Variants in MED27 observed in about 807,000 individuals in gnomAD.
MED27 encodes mediator of RNA polymerase II transcription subunit 27.
In MED27, 30 loss-of-function variants were observed where a neutral mutation model predicts 38.2. That is an observed-to-expected ratio of 0.79 (90% CI 0.59 to 1.07). The LOEUF (loss-of-function observed/expected upper bound fraction) is 1.07. Among genes scored for constraint, MED27 ranks in the 50% least tolerant of loss-of-function variants. MED27 has a pLI of 0.00. For synonymous variants in MED27, 122 were observed against 153.5 expected (o/e 0.79, Z 1.52); for missense variants, 289 against 397.5 (o/e 0.73, Z 2.32).
At position 131,980,544 on chromosome 9, in the gene MED27, G is replaced by A. The variant is rs555771369; in HGVS notation, c.479+33793C>T. ...TGGGACCTTAGGGCAAAAAGGTAAG[G>A]GGTACAAAATAATACATCACTCTTC... On this transcript the variant is annotated intron_variant, in intron 3 of 7. Transcript: ENST00000292035. Among the ~76,000 whole-genome samples the A allele has an allele frequency of 2.0e-5, 3 of 152,228 alleles. No homozygotes were observed. In the East Asian group the frequency reaches 5.8e-4, roughly 29 times the overall value.
intron 2 of MED27, among the ~76,000 whole-genome samples, chr9:132,063,369 G>A (rs925777528): frequency 1.3e-5 from 2 of 152,172 alleles, no homozygotes; most frequent in African/African-American, 2.4e-5. Flanking sequence ...CTATCTGGAG[G>A]AAGTCTCAAC....
At position 131,883,624 on chromosome 9, in the gene MED27, C is replaced by A. The variant is rs1297849138; in HGVS notation, c.723+434G>T. On this transcript the variant is annotated intron_variant, in intron 6 of 7. Coordinates refer to ENST00000292035, the MANE Select transcript of MED27 (RefSeq NM_004269.4). This position sits in a 1 kb window ranked among gnomAD's most constrained non-coding sequence, Gnocchi z 4.2. Reference sequence around the variant, plus strand: ...GGAGACCGCTAGGGCTCTGAGAAACCGAGTTTTAAAACTAGGTTTTCAGAA... The same window carrying A: ...GGAGACCGCTAGGGCTCTGAGAAACAGAGTTTTAAAACTAGGTTTTCAGAA... Among the ~76,000 whole-genome samples, 3 of 152,128 alleles carry A rather than the reference C, an allele frequency of 2.0e-5. No individual in the cohort carries two copies. The highest frequency in any genetic ancestry group is 2.0e-4 in the Admixed American group (3 of 15,274).
At chr9:131,927,707 C>T (rs1177910218) in intron 4 of MED27, among the ~76,000 whole-genome samples, 1 of 152,162 alleles carries the variant, frequency 6.6e-6, no homozygotes, top group Non-Finnish European at 1.5e-5. Flanking sequence ...AGGCCAACAA[C>T]AAAAAGCTGG....
In MED27 at chr9:131,893,947, G is replaced by C. The variant is rs1829775303; in HGVS notation, c.619C>G (p.Leu207Val). 1 of 1,614,178 alleles carries C rather than the reference G, an allele frequency of 6.2e-7. No individual in the cohort carries two copies. The highest frequency in any genetic ancestry group is 8.5e-7 in the Non-Finnish European group (1 of 1,180,036). The stretch of plus-strand genomic sequence containing the variant: ...TTTACTATTGTTCGATCAATGAACA[G>C]GCTCCGCATGACGACGATCACTTTC... ...VLKVIVVMRS[L>V]FIDRTIVKGY... Residue 207 changes from leucine to valine, a missense_variant, in exon 5 of 8, where the codon CTG becomes GTG. By Grantham distance (32) the Leu-to-Val change is conservative. Coordinates refer to ENST00000292035, the MANE Select transcript of MED27 (RefSeq NM_004269.4).
intron 4 of MED27, among the ~76,000 whole-genome samples, chr9:131,898,876 C>T (rs766036515): frequency 2.0e-4 from 30 of 152,234 alleles, no homozygotes; most frequent in Non-Finnish European, 3.4e-4. Flanking sequence ...TGAGCCACTG[C>T]GCCCGGCCTG....
At chr9:132,030,624 A>G (rs998383877) in intron 2 of MED27, among the ~76,000 whole-genome samples, 1 of 152,254 alleles carries the variant, frequency 6.6e-6, no homozygotes, top group Non-Finnish European at 1.5e-5. Flanking sequence ...CATTTCTTAG[A>G]ATCATGTGAT....
chr9:132,057,537 C>G (rs969284048), intron 2 of MED27, among the ~76,000 whole-genome samples: 1 of 152,256 alleles, frequency 6.6e-6, no homozygotes, highest in African/African-American at 2.4e-5. Context: ...TCTCTTGCAT[C>G]TGCAGCTAGT....
At chr9:132,014,130 C>T (rs1212325444) in intron 3 of MED27, among the ~76,000 whole-genome samples, 1 of 142,020 alleles carries the variant, frequency 7.0e-6, no homozygotes, top group Non-Finnish European at 1.5e-5. Flanking sequence ...TGCTTGAACT[C>T]GAGGGGGTGG....
chr9:131,938,057 G>A (rs1408614051), intron 4 of MED27, among the ~76,000 whole-genome samples: 1 of 151,944 alleles, frequency 6.6e-6, no homozygotes, highest in Non-Finnish European at 1.5e-5. Flanking sequence ...TGTTATCCAG[G>A]TGAATGTCAC....
intron 4 of MED27, among the ~76,000 whole-genome samples, chr9:131,929,061 C>T (rs555299283): frequency 1.3e-5 from 2 of 152,334 alleles, no homozygotes; most frequent in South Asian, 2.1e-4. Flanking sequence ...ACCAGGCAGT[C>T]GTGAGGCACC....
intron 6 of MED27, among the ~76,000 whole-genome samples, chr9:131,865,279 G>GA (rs1039640718): frequency 6.6e-6 from 1 of 151,468 alleles, no homozygotes; most frequent in East Asian, 1.9e-4. Flanking sequence ...AATGAGCAAT[G>GA]TTTTTTTTTC....
intron 3 of MED27, among the ~76,000 whole-genome samples, chr9:131,949,253 G>C (rs1379547286): frequency 1.3e-5 from 2 of 152,176 alleles, no homozygotes; most frequent in African/African-American, 4.8e-5. Context: ...ATGGCAGCTG[G>C]CTCACAGGCC....
At chr9:132,040,635 C>T (rs895487054) in intron 2 of MED27, among the ~76,000 whole-genome samples, 2 of 152,332 alleles carry the variant, frequency 1.3e-5, no homozygotes, top group Non-Finnish European at 2.9e-5. Flanking sequence ...GACCTTCCAG[C>T]CCATCAGGCT....
At chr9:131,993,905 G>A (rs1025251326) in intron 3 of MED27, among the ~76,000 whole-genome samples, 4 of 152,072 alleles carry the variant, frequency 2.6e-5, no homozygotes, top group Admixed American at 1.3e-4. Context: ...CAGTCTGAGC[G>A]GGTGTGTGTG....
chr9:132,014,726 C>G lies in MED27; in HGVS notation c.349-259G>C, dbSNP rs536327897. ...AACTGGAAGCAGTCGGAATGTCCAA[C>G]AACTGACTGTGAAATTGATTAAAAT... On this transcript the variant is annotated intron_variant, in intron 2 of 7. Transcript: ENST00000292035. Among the ~76,000 whole-genome samples the G allele has an allele frequency of 5.5e-4, 60 of 109,872 alleles. 1 individual carries two copies. In the South Asian group the frequency reaches 0.016, roughly 30 times the overall value. 72.1% of individuals were successfully genotyped at this position (109,872 alleles called of 152,430 possible).
chr9:131,870,000 C>T (rs1039508375), intron 6 of MED27, among the ~76,000 whole-genome samples: 1 of 152,138 alleles, frequency 6.6e-6, no homozygotes, highest in African/African-American at 2.4e-5. Context: ...TTTCAAGAGA[C>T]CTTGAAACAG....
intron 6 of MED27, among the ~76,000 whole-genome samples, chr9:131,879,921 C>T (rs1839006697): frequency 6.6e-6 from 1 of 152,232 alleles, no homozygotes; most frequent in Admixed American, 6.5e-5. Context: ...AGAAACGTTG[C>T]CACCGAATCC....
At chr9:132,079,541 G>T (rs1470760731) in intron 1 of MED27, 101 bp downstream of exon 1, 1 of 1,095,540 alleles carries the variant, frequency 9.1e-7, no homozygotes, top group African/African-American at 1.6e-5. Context: ...AGGGATCAAG[G>T]GAAACGGAGA....
rs144677279 is a variant in MED27 at position 131,981,380 on chromosome 9, T to G, written c.479+32957A>C. Among the ~76,000 whole-genome samples the G allele has an allele frequency of 1.9e-3, 288 of 152,332 alleles. 1 individual carries two copies. The highest frequency in any genetic ancestry group is 6.2e-3 in the African/African-American group (258 of 41,578). On this transcript the variant is annotated intron_variant, in intron 3 of 7. Coordinates refer to ENST00000292035, the MANE Select transcript of MED27 (RefSeq NM_004269.4). ...AAGCCCCATGGAATCTGGGCCCATG[T>G]GCTCAAATGAAACTAAAATACGATC... is the stretch of plus-strand genomic sequence containing the variant.
Sources: allele counts gnomAD v4.1 joint callset (sites outside exome capture counted in the v4.1 genomes callset), GRCh38; gene constraint gnomAD v4.1.1; non-coding constraint Gnocchi (gnomAD v3.1); transcripts MANE v1.5; gene names NCBI Gene and HGNC (gene_info 2026-07-23, HGNC 2026-07-21).